Variants in NTAQ1 observed in about 807,000 individuals in gnomAD.
NTAQ1 encodes the protein protein N-terminal glutamine amidohydrolase.
Under a neutral mutation model 28.2 loss-of-function variants are expected in NTAQ1, and 21 were observed. That is an observed-to-expected ratio of 0.74 (90% confidence interval 0.53 to 1.07). The LOEUF is 1.07. Among genes scored for constraint, NTAQ1 ranks in the 50% least tolerant of loss-of-function variants. NTAQ1 has a pLI of 0.00. For synonymous variants in NTAQ1, 105 were observed against 90.0 expected (o/e 1.17, Z -0.94); for missense variants, 264 against 256.6 (o/e 1.03, Z -0.20).
downstream of NTAQ1, among the ~76,000 whole-genome samples, chr8:123,451,023 T>C (rs1191664771): frequency 2.0e-5 from 3 of 152,222 alleles, no homozygotes; most frequent in Non-Finnish European, 4.4e-5. Flanking sequence ...GCTGTCTCTG[T>C]GATTTCAGCT....
At chr8:123,475,499 G>T in the NTAQ1 span, among the ~76,000 whole-genome samples, 1 of 152,136 alleles carries the variant, frequency 6.6e-6, no homozygotes, top group African/African-American at 2.4e-5. Context: ...GTTTATATTT[G>T]TAAATTATAA....
At chr8:123,456,870 A>G (rs935932436) in intron 6 of NTAQ1, among the ~76,000 whole-genome samples, 2 of 152,182 alleles carry the variant, frequency 1.3e-5, no homozygotes, top group Admixed American at 6.5e-5. Flanking sequence ...GGAATTCGTC[A>G]TCTAGGAATT....
At position 123,416,881 on chromosome 8, in the gene NTAQ1, A is replaced by G; in HGVS notation, c.32A>G (p.Tyr11Cys). The G allele has an allele frequency of 6.5e-7, 1 of 1,528,266 alleles. No homozygotes were observed. Among genetic ancestry groups the G allele is most frequent in the East Asian group, 2.6e-5 (1 of 38,180 alleles). 94.7% of individuals were successfully genotyped at this position (1,528,266 alleles called of 1,614,324 possible). A position where few individuals can be genotyped will look rare whatever the true frequency, so the allele number is the denominator to read the frequency against. MEGNGPAAVHYQPASPPRDAC... is the reference protein window; with the variant it reads MEGNGPAAVHCQPASPPRDAC... ...GGTAATGGCCCCGCTGCTGTCCACT[A>G]CCAGCCGGCCAGCCCCCCGCGGGAC... The change falls in exon 1 of 6, where the codon TAC becomes TGC. Residue 11 changes from tyrosine to cysteine, a missense_variant. Coordinates refer to ENST00000287387, the MANE Select transcript of NTAQ1 (RefSeq NM_018024.3).
At chr8:123,430,181 T>C (rs1814311609) in intron 3 of NTAQ1, 148 bp downstream of exon 3, 1 of 500,042 alleles carries the variant, frequency 2.0e-6, no homozygotes. Flanking sequence ...ATAGATGTTA[T>C]TTGATCTAAG....
At chr8:123,464,495 C>T (rs1815914561) in intron 6 of NTAQ1, among the ~76,000 whole-genome samples, 2 of 152,276 alleles carry the variant, frequency 1.3e-5, no homozygotes, top group South Asian at 4.1e-4. Flanking sequence ...TAGAGAGACG[C>T]CACTGGAGAG....
intron 6 of NTAQ1, among the ~76,000 whole-genome samples, chr8:123,463,673 AT>A (rs1470158252): frequency 6.6e-6 from 1 of 152,148 alleles, no homozygotes; most frequent in Non-Finnish European, 1.5e-5. Flanking sequence ...CTTGATGGAC[AT>A]TTGTATGGAG....
chr8:123,430,051 G>C lies in NTAQ1; in HGVS notation c.234+18G>C. ...TGATCTGGGTAAGACAGTTAATACA[G>C]AGAGTATTGACGCATTATGACTTGT... On this transcript the variant is annotated intron_variant, in intron 3 of 5. Coordinates refer to ENST00000287387, the MANE Select transcript of NTAQ1 (RefSeq NM_018024.3). 1 of 1,607,028 alleles carries C rather than the reference G, an allele frequency of 6.2e-7. No homozygotes were observed. Among genetic ancestry groups the C allele is most frequent in the South Asian group, 1.1e-5 (1 of 90,444 alleles).
At chr8:123,422,217 T>C (rs1343992821) in intron 1 of NTAQ1, among the ~76,000 whole-genome samples, 1 of 152,130 alleles carries the variant, frequency 6.6e-6, no homozygotes, top group Non-Finnish European at 1.5e-5. Context: ...GATATTAGAC[T>C]TTATCAGATG....
At chr8:123,463,381 A>G (rs568275946) in intron 6 of NTAQ1, among the ~76,000 whole-genome samples, 1 of 152,284 alleles carries the variant, frequency 6.6e-6, no homozygotes, top group African/African-American at 2.4e-5. Context: ...TTAATATTAG[A>G]TCACAGTTAT....
At chr8:123,427,826 C>G (rs573512658) in intron 1 of NTAQ1, 98 bp from the exon 2 acceptor site, 2 of 1,006,182 alleles carry the variant, frequency 2.0e-6, no homozygotes, top group Admixed American at 4.5e-5. Context: ...GGTTTAAGGT[C>G]TTTTCCAACT....
At chr8:123,454,018 G>A (rs994035543) in intron 6 of NTAQ1, among the ~76,000 whole-genome samples, 8 of 152,196 alleles carry the variant, frequency 5.3e-5, no homozygotes, top group Non-Finnish European at 7.3e-5. Context: ...CTGTTGTAGG[G>A]CAGGAGTGGG....
chr8:123,465,574 C>CTTTTTTT (rs71310691), intron 6 of NTAQ1, among the ~76,000 whole-genome samples: 44 of 78,578 alleles, frequency 5.6e-4, no homozygotes, highest in Non-Finnish European at 5.9e-4. Context: ...AGCATAACAT[C>CTTTTTTT]TTTTTTTTTT....
chr8:123,417,032 C>A, intron 1 of NTAQ1, 100 bp downstream of exon 1: 4 of 1,176,128 alleles, frequency 3.4e-6, no homozygotes, highest in Non-Finnish European at 4.5e-6. Flanking sequence ...GGGGCGCTCC[C>A]GGCCTCTACC....
intron 6 of NTAQ1, among the ~76,000 whole-genome samples, chr8:123,460,642 T>A (rs1038148317): frequency 1.3e-5 from 2 of 152,198 alleles, no homozygotes; most frequent in Admixed American, 1.3e-4. Context: ...CAGGGTAAGC[T>A]CTTCAACATC....
At chr8:123,419,514 G>A (rs928286116) in intron 1 of NTAQ1, among the ~76,000 whole-genome samples, 7 of 152,152 alleles carry the variant, frequency 4.6e-5, no homozygotes, top group African/African-American at 1.4e-4. Flanking sequence ...GATAATAGTG[G>A]CAGCCAGTAT....
chr8:123,456,629 CAG>C (rs1815657616), intron 6 of NTAQ1, among the ~76,000 whole-genome samples: 1 of 152,156 alleles, frequency 6.6e-6, no homozygotes, highest in African/African-American at 2.4e-5. Flanking sequence ...ATGATTGCCT[CAG>C]GGGAAACAAG....
intron 6 of NTAQ1, among the ~76,000 whole-genome samples, chr8:123,453,469 C>T (rs1178408577): frequency 2.0e-5 from 3 of 150,708 alleles, no homozygotes; most frequent in African/African-American, 7.3e-5. Context: ...GCTCTTGTCA[C>T]CTAGGCTGGA....
downstream of NTAQ1, among the ~76,000 whole-genome samples, chr8:123,471,078 G>T (rs929118270): frequency 6.6e-6 from 1 of 151,740 alleles, no homozygotes; most frequent in Admixed American, 6.6e-5. Flanking sequence ...GCACCACCAT[G>T]CCTGGCAAAT....
chr8:123,429,537 G>A (rs1190226319), intron 2 of NTAQ1, among the ~76,000 whole-genome samples: 1 of 152,016 alleles, frequency 6.6e-6, no homozygotes, highest in African/African-American at 2.4e-5. Context: ...GCACCTGTGA[G>A]TAGCCACTGC....
Sources: gnomAD v4.1 joint callset for allele counts (sites outside exome capture counted in the v4.1 genomes callset) on GRCh38, gnomAD v4.1.1 for gene constraint, MANE v1.5 for transcripts, NCBI Gene and HGNC (gene_info 2026-07-23, HGNC 2026-07-21) for gene names.